Variants in PEX5L observed in about 807,000 individuals in gnomAD.
PEX5L encodes peroxisomal biogenesis factor 5 like.
PEX5L carries 30 observed loss-of-function variants against 84.0 expected under a neutral mutation model. The ratio of observed to expected loss-of-function variants is 0.36; its 90% CI spans 0.27 to 0.48. PEX5L has a LOEUF of 0.48. PEX5L is among the 20% of genes least tolerant of loss of function. The probability of loss-of-function intolerance (pLI) is 0.99; values close to 1 mark genes in which losing one functional copy is unlikely to be tolerated. For synonymous variants in PEX5L, 270 were observed against 283.1 expected (o/e 0.95, Z 0.46); for missense variants, 533 against 754.6 (o/e 0.71, Z 3.44).
At chr3:179,964,837 T>C (rs1782930242) in intron 2 of PEX5L, among the ~76,000 whole-genome samples, 1 of 152,232 alleles carries the variant, frequency 6.6e-6, no homozygotes, top group Non-Finnish European at 1.5e-5. Context: ...TATAAAGCAC[T>C]TACCGCACGC....
Position 180,036,785 on chromosome 3 carries a change from C to G in PEX5L, c.-186G>C, listed in dbSNP as rs1791947435. On this transcript the variant is annotated 5_prime_UTR_variant, in exon 1 of 15. Coordinates refer to ENST00000467460, the MANE Select transcript of PEX5L (RefSeq NM_016559.3). Reference sequence around the variant, plus strand: ...CGGCAGCGCTGCGGGCTGCCGGGAACTGTTCTCCGCTCGGGGTGCTGAAAG... The same window carrying G: ...CGGCAGCGCTGCGGGCTGCCGGGAAGTGTTCTCCGCTCGGGGTGCTGAAAG... 1.6e-6 allele frequency: 1 copy of G among 630,742 alleles called. No homozygotes were observed. Among genetic ancestry groups the G allele is most frequent in the African/African-American group, 1.8e-5 (1 of 54,894 alleles). The allele number at this position is 630,742 out of a possible 1,614,324, so 39.1% of individuals were successfully genotyped here.
At chr3:179,818,459 T>A (rs1307020678) in intron 9 of PEX5L, among the ~76,000 whole-genome samples, 1 of 152,152 alleles carries the variant, frequency 6.6e-6, no homozygotes, top group Non-Finnish European at 1.5e-5. Context: ...CCAATTATAC[T>A]GTTTTAGTTA....
At chr3:179,888,138 T>C (rs1191269849) in intron 3 of PEX5L, 1 of 1,290,946 alleles carries the variant, frequency 7.7e-7, no homozygotes, top group Non-Finnish European at 1.0e-6. Flanking sequence ...AAGCTCCTAC[T>C]GAGACCTGGA....
intron 2 of PEX5L, among the ~76,000 whole-genome samples, chr3:179,912,803 T>C (rs530630331): frequency 6.6e-6 from 1 of 152,176 alleles, no homozygotes; most frequent in South Asian, 2.1e-4. Flanking sequence ...ATTTCATGTT[T>C]AGGAAAAAAT....
chr3:179,808,496 A>C lies in PEX5L; in HGVS notation c.1353-59T>G, dbSNP rs1722286379. The C allele has an allele frequency of 5.7e-6, 7 of 1,227,706 alleles. No individual in the cohort carries two copies. The South Asian group carries it at 1.5e-4, about 27-fold the overall frequency. The allele number at this position is 1,227,706 out of a possible 1,614,324, so 76.1% of individuals were successfully genotyped here. On this transcript the variant is annotated intron_variant, in intron 12 of 14. Coordinates refer to ENST00000467460, the MANE Select transcript of PEX5L (RefSeq NM_016559.3). ...CAAATAGTCAGAACATAAATGATTT[A>C]CTGTTAAATCCCTTGACTGTATTTC... is the stretch of plus-strand genomic sequence containing the variant.
At position 179,824,836 on chromosome 3, in the gene PEX5L, T is replaced by C. The variant is rs538177218; in HGVS notation, c.823-4860A>G. ...TGAAGTGAAATTATGTGCATATCAA[T>C]GTGGGGCTTCACTGCCCTGGGGTCC... On this transcript the variant is annotated intron_variant, in intron 8 of 14. Coordinates refer to ENST00000467460, the MANE Select transcript of PEX5L (RefSeq NM_016559.3). Among the ~76,000 whole-genome samples the C allele has an allele frequency of 3.3e-5, 5 of 152,178 alleles. No homozygotes were observed. In the East Asian group the frequency reaches 7.7e-4, roughly 24 times the overall value.
At chr3:179,842,142 T>C (rs1379078008) in intron 8 of PEX5L, among the ~76,000 whole-genome samples, 2 of 152,238 alleles carry the variant, frequency 1.3e-5, no homozygotes, top group Admixed American at 6.5e-5. Context: ...GGTAATATTA[T>C]ACATGCACCA....
chr3:179,813,622 C>T lies in PEX5L; in HGVS notation c.1084-1751G>A, dbSNP rs538636475. On this transcript the variant is annotated intron_variant, in intron 10 of 14. Transcript: ENST00000467460. ...AAGTGATTCTCCCACCTCAGCCTCC[C>T]GAGTAGCTGGGATTACAGGCATGAG... 1.3e-4 allele frequency among the ~76,000 whole-genome samples: 19 copies of T among 151,850 alleles called. 1 individual carries two copies. In the South Asian group the frequency reaches 3.8e-3, roughly 30 times the overall value.
At chr3:179,891,226 C>T (rs900025158) in intron 3 of PEX5L, among the ~76,000 whole-genome samples, 7 of 152,180 alleles carry the variant, frequency 4.6e-5, no homozygotes, top group Admixed American at 2.0e-4. Flanking sequence ...ACTGATGGAA[C>T]TGTTATAACT....
At chr3:180,032,350 G>A (rs1462069728) in intron 1 of PEX5L, among the ~76,000 whole-genome samples, 2 of 152,192 alleles carry the variant, frequency 1.3e-5, no homozygotes, top group Non-Finnish European at 2.9e-5. Context: ...GAGGAAGGCA[G>A]CAGCAACCAC....
In PEX5L at chr3:179,796,566, A is replaced by G. The variant is rs565951933; in HGVS notation, c.*5262T>C. On this transcript the variant is annotated 3_prime_UTR_variant, in exon 15 of 15. Coordinates refer to ENST00000467460, the MANE Select transcript of PEX5L (RefSeq NM_016559.3). ...ATGCCTCCCCACAATCGTCTTTGCT[A>G]TGTGTGTTATGTGTAGAATTCTGTC... 1 of 150,806 alleles carries G rather than the reference A, an allele frequency of 6.6e-6. No individual in the cohort carries two copies. Among genetic ancestry groups the G allele is most frequent in the Non-Finnish European group, 1.5e-5 (1 of 67,710 alleles). The allele number at this position is 150,806 out of a possible 1,614,324, so 9.3% of individuals were successfully genotyped here. A position where few individuals can be genotyped will look rare whatever the true frequency, so the allele number is the denominator to read the frequency against.
chr3:179,824,781 T>G lies in PEX5L; in HGVS notation c.823-4805A>C, dbSNP rs144290596. 2.6e-5 allele frequency among the ~76,000 whole-genome samples: 4 copies of G among 151,640 alleles called. No homozygotes were observed. In the East Asian group the frequency reaches 7.7e-4, roughly 29 times the overall value. On this transcript the variant is annotated intron_variant, in intron 8 of 14. Transcript: ENST00000467460. ...ATGAAAACCACTATGCAAGTTTGGA[T>G]TAAAAATTTGCCCCAACAAACAATT...
chr3:179,947,642 T>C (rs928139596), intron 2 of PEX5L, among the ~76,000 whole-genome samples: 1 of 151,994 alleles, frequency 6.6e-6, no homozygotes, highest in African/African-American at 2.4e-5. Flanking sequence ...ATAGCATTTT[T>C]TTAACTTTGT....
chr3:179,912,742 A>G (rs1166330116), intron 2 of PEX5L, among the ~76,000 whole-genome samples: 3 of 152,138 alleles, frequency 2.0e-5, no homozygotes, highest in Non-Finnish European at 4.4e-5. Context: ...TTCAAGTGCA[A>G]TAAGACAAAA....
intron 2 of PEX5L, among the ~76,000 whole-genome samples, chr3:179,963,992 T>C (rs1397339544): frequency 6.6e-6 from 1 of 152,196 alleles, no homozygotes; most frequent in Non-Finnish European, 1.5e-5. Flanking sequence ...GGGGTACATG[T>C]ACAGGTTTGT....
intron 8 of PEX5L, among the ~76,000 whole-genome samples, chr3:179,831,318 T>TA (rs58515903): frequency 0.016 from 1,930 of 119,480 alleles, 36 homozygotes; most frequent in African/African-American, 0.048. Context: ...AGACTCTGTC[T>TA]AAAAAAAAAA....
rs888504380 is a variant in PEX5L at position 179,800,890 on chromosome 3, T to A, written c.*938A>T. ...AATTTGAACTCAATAGAAATCACGA[T>A]ACCATCAAACTTTCTTCCTGCAGAG... is the stretch of plus-strand genomic sequence containing the variant. On this transcript the variant is annotated 3_prime_UTR_variant, in exon 15 of 15. Transcript: ENST00000467460. 1 of 152,290 alleles carries A rather than the reference T, an allele frequency of 6.6e-6. No homozygotes were observed. The highest frequency in any genetic ancestry group is 2.4e-5 in the African/African-American group (1 of 41,468). 9.4% of individuals were successfully genotyped at this position (152,290 alleles called of 1,614,324 possible). A position where few individuals can be genotyped will look rare whatever the true frequency, so the allele number is the denominator to read the frequency against.
intron 2 of PEX5L, among the ~76,000 whole-genome samples, chr3:179,964,575 C>G (rs994341515): frequency 5.9e-5 from 9 of 151,944 alleles, no homozygotes; most frequent in Non-Finnish European, 1.3e-4. Flanking sequence ...TACCCAGAAT[C>G]TTTAAGGCAC....
At chr3:180,027,776 A>G (rs1480211657) in intron 1 of PEX5L, among the ~76,000 whole-genome samples, 1 of 152,138 alleles carries the variant, frequency 6.6e-6, no homozygotes, top group Non-Finnish European at 1.5e-5. Context: ...TTTAGTTGTC[A>G]TATCTCTTTG....
Sources: allele counts gnomAD v4.1 joint callset (sites outside exome capture counted in the v4.1 genomes callset), GRCh38; gene constraint gnomAD v4.1.1; transcripts MANE v1.5; gene names NCBI Gene and HGNC (gene_info 2026-07-23, HGNC 2026-07-21).